The following PTPN14 variants were observed in gnomAD, a reference collection of about 807,000 sequenced individuals.
The protein encoded by PTPN14 is tyrosine-protein phosphatase non-receptor type 14.
PTPN14 carries 53 observed loss-of-function variants against 126.8 expected under a neutral mutation model. The observed-to-expected ratio is 0.42, with a 90% confidence interval of 0.34 to 0.53. The LOEUF (loss-of-function observed/expected upper bound fraction) is 0.53, where lower values mean the gene tolerates loss of function less well. Among genes scored for constraint, PTPN14 ranks in the 20% least tolerant of loss-of-function variants. The pLI, the probability that PTPN14 is intolerant of heterozygous loss-of-function variation, is 0.08. For missense variants in PTPN14, 1,257 were observed against 1,552.9 expected (o/e 0.81, Z 3.20); for synonymous variants, 630 against 599.3 (o/e 1.05, Z -0.75).
chr1:214,497,888 C>T (rs888527787), intron 1 of PTPN14, among the ~76,000 whole-genome samples: 4 of 152,002 alleles, frequency 2.6e-5, no homozygotes, highest in African/African-American at 9.7e-5. Flanking sequence ...CAGCATGTTG[C>T]TGTCAATTTC....
rs1179706386 is a variant in PTPN14, at chr1:214,355,088, A to T, written c.*2834T>A. 6.6e-6 allele frequency: 1 copy of T among 152,244 alleles called. No individual in the cohort carries two copies. The highest frequency in any genetic ancestry group is 6.5e-5 in the Admixed American group (1 of 15,292). The allele number at this position is 152,244 out of a possible 1,614,324, so 9.4% of individuals were successfully genotyped here. A position where few individuals can be genotyped will look rare whatever the true frequency, so the allele number is the denominator to read the frequency against. On this transcript the variant is annotated 3_prime_UTR_variant, in exon 19 of 19. Coordinates refer to ENST00000366956, the MANE Select transcript of PTPN14 (RefSeq NM_005401.5). ...TAAAGAACCAAAGGCATTTGTTTTT[A>T]AAAGTGAAATATGTGGAACAACTCT...
At chr1:214,466,832 T>C (rs994362259) in intron 1 of PTPN14, among the ~76,000 whole-genome samples, 5 of 152,150 alleles carry the variant, frequency 3.3e-5, no homozygotes, top group African/African-American at 1.2e-4. Flanking sequence ...CTACTACTTG[T>C]AGGAATTCTT....
chr1:214,366,843 C>T (rs951173332), intron 17 of PTPN14, among the ~76,000 whole-genome samples: 52 of 151,870 alleles, frequency 3.4e-4, no homozygotes, highest in African/African-American at 1.3e-3. Context: ...ATTAGCCAGG[C>T]GTGGTGGTGG....
At chr1:214,502,316 C>G (rs1423873821) in intron 1 of PTPN14, among the ~76,000 whole-genome samples, 1 of 152,076 alleles carries the variant, frequency 6.6e-6, no homozygotes, top group Non-Finnish European at 1.5e-5. Context: ...CTGAGATTAA[C>G]AGAGAGAGAT....
intron 3 of PTPN14, among the ~76,000 whole-genome samples, chr1:214,451,476 A>C (rs1660271727): frequency 6.6e-6 from 1 of 152,022 alleles, no homozygotes; most frequent in Non-Finnish European, 1.5e-5. Context: ...CCAGGTCATT[A>C]ATTTTTTATT....
At chr1:214,440,020 G>C (rs1201605096) in intron 3 of PTPN14, among the ~76,000 whole-genome samples, 2 of 152,228 alleles carry the variant, frequency 1.3e-5, no homozygotes, top group Non-Finnish European at 2.9e-5. Context: ...TGTCTTAGCT[G>C]TTACAGCTAA....
chr1:214,412,652 A>C (rs1659332604), intron 4 of PTPN14, among the ~76,000 whole-genome samples: 1 of 152,240 alleles, frequency 6.6e-6, no homozygotes, highest in East Asian at 1.9e-4. Flanking sequence ...CTTTCTAAAA[A>C]TGCAATAAGC....
chr1:214,409,009 A>G (rs981557318), intron 5 of PTPN14, among the ~76,000 whole-genome samples: 5 of 152,252 alleles, frequency 3.3e-5, no homozygotes, highest in African/African-American at 9.6e-5. Context: ...TTATAGTACA[A>G]TGTGATGTTG....
At chr1:214,408,902 G>C (rs1419909947) in intron 5 of PTPN14, among the ~76,000 whole-genome samples, 1 of 152,174 alleles carries the variant, frequency 6.6e-6, no homozygotes, top group Non-Finnish European at 1.5e-5. Context: ...AGAGGGTAGA[G>C]AGTAAATGAG....
chr1:214,471,065 A>T (rs1211231408), intron 1 of PTPN14, among the ~76,000 whole-genome samples: 1 of 149,332 alleles, frequency 6.7e-6, no homozygotes, highest in Non-Finnish European at 1.5e-5. Flanking sequence ...ACTACACTTG[A>T]ACCCCCTAAA....
At chr1:214,428,726 A>T (rs1411092442) in intron 3 of PTPN14, among the ~76,000 whole-genome samples, 6 of 152,232 alleles carry the variant, frequency 3.9e-5, no homozygotes, top group Non-Finnish European at 4.4e-5. Context: ...TCAGGAAATG[A>T]AACACTGCTC....
chr1:214,548,737 T>C (rs1030869587), intron 1 of PTPN14, among the ~76,000 whole-genome samples: 11 of 152,006 alleles, frequency 7.2e-5, no homozygotes, highest in African/African-American at 2.4e-4. Flanking sequence ...CACTGGAAAA[T>C]AAAAAATCCT....
chr1:214,364,747 C>A lies in PTPN14; in HGVS notation c.3272-72G>T, dbSNP rs537014950. Reference sequence around the variant, plus strand: ...CGCATGTAAGTTGGGGAGGGGGGAGCGGAAGAGAACTGATGGTGAGTGTGT... The same window carrying A: ...CGCATGTAAGTTGGGGAGGGGGGAGAGGAAGAGAACTGATGGTGAGTGTGT... On this transcript the variant is annotated intron_variant, in intron 17 of 18. Transcript: ENST00000366956. The surrounding 1 kb of genome is among the most constrained non-coding windows in gnomAD (Gnocchi z 4.1). 5.2e-6 allele frequency: 7 copies of A among 1,351,218 alleles called. No homozygotes were observed. Among genetic ancestry groups the A allele is most frequent in the Non-Finnish European group, 7.0e-6 (7 of 995,022 alleles). 83.7% of individuals were successfully genotyped at this position (1,351,218 alleles called of 1,614,324 possible).
intron 1 of PTPN14, chr1:214,533,375 C>T: frequency 2.2e-6 from 1 of 456,928 alleles, no homozygotes; most frequent in Non-Finnish European, 4.1e-6. Flanking sequence ...TGGACAGCAG[C>T]AACTCCACGC....
chr1:214,372,107 G>C (rs560963309), intron 16 of PTPN14: 1 of 152,540 alleles, frequency 6.6e-6, no homozygotes, highest in East Asian at 1.9e-4. Context: ...ACACCGACTG[G>C]ATTGACTGGC....
intron 10 of PTPN14, among the ~76,000 whole-genome samples, chr1:214,393,465 A>C (rs1658804982): frequency 6.6e-6 from 1 of 152,244 alleles, no homozygotes; most frequent in East Asian, 1.9e-4. Flanking sequence ...CCAGGCAGCC[A>C]AGCATTCACA....
chr1:214,520,065 A>AAAATATATATATATATATATAT lies in PTPN14; in HGVS notation c.-155+31117_-155+31118insATATATATATATATATATATTT. ...CCTGTCTCAAAAAAAAAAAAAAAAA[A>AAAATATATATATATATATATAT]ATATATATATATATATATGCAGAAT... On this transcript the variant is annotated intron_variant, in intron 1 of 18. Transcript: ENST00000366956. Among the ~76,000 whole-genome samples the AAAATATATATATATATATATAT allele has an allele frequency of 1.1e-4, 8 of 71,098 alleles. No individual in the cohort carries two copies. The South Asian group carries it at 2.0e-3, about 17-fold the overall frequency. The allele number at this position is 71,098 out of a possible 152,430, so 46.6% of individuals were successfully genotyped here. A position where few individuals can be genotyped will look rare whatever the true frequency, so the allele number is the denominator to read the frequency against.
intron 1 of PTPN14, among the ~76,000 whole-genome samples, chr1:214,516,808 TACAA>T (rs1655112574): frequency 6.6e-6 from 1 of 152,100 alleles, no homozygotes; most frequent in Non-Finnish European, 1.5e-5. Flanking sequence ...TTCTAATCTT[TACAA>T]ACAGAAAAGG....
intron 1 of PTPN14, among the ~76,000 whole-genome samples, chr1:214,505,410 A>G (rs1433740206): frequency 1.3e-5 from 2 of 152,178 alleles, no homozygotes; most frequent in Non-Finnish European, 2.9e-5. Flanking sequence ...ATAAGGACTG[A>G]AAAACATTCA....
Sources: gnomAD v4.1 joint callset for allele counts (sites outside exome capture counted in the v4.1 genomes callset) on GRCh38, gnomAD v4.1.1 for gene constraint, Gnocchi (gnomAD v3.1) non-coding constraint, MANE v1.5 for transcripts, NCBI Gene and HGNC (gene_info 2026-07-23, HGNC 2026-07-21) for gene names.